ROR1: variants seen among roughly 807,000 people sequenced by gnomAD.
The protein encoded by ROR1 is ROR family WNT receptor 1, also known as inactive tyrosine-protein kinase transmembrane receptor ROR1.
ROR1 carries 19 observed loss-of-function variants against 78.8 expected under a neutral mutation model. That is an observed-to-expected ratio of 0.24 (90% CI 0.17 to 0.35). The LOEUF (loss-of-function observed/expected upper bound fraction) is 0.35, where lower values mean the gene tolerates loss of function less well. Ranked by LOEUF, ROR1 falls within the 10% of genes least tolerant of loss-of-function variation. The pLI is 1.00. For synonymous variants in ROR1, 386 were observed against 433.6 expected (o/e 0.89, Z 1.36); for missense variants, 917 against 1,177.8 (o/e 0.78, Z 3.24).
chr1:63,793,562 A>G (rs998460916), intron 1 of ROR1, among the ~76,000 whole-genome samples: 5 of 152,246 alleles, frequency 3.3e-5, no homozygotes, highest in African/African-American at 1.2e-4. Context: ...ACTATGTGCC[A>G]GGCACAGTGC....
chr1:63,791,068 C>T (rs1335975278), intron 1 of ROR1, among the ~76,000 whole-genome samples: 1 of 152,104 alleles, frequency 6.6e-6, no homozygotes, highest in Non-Finnish European at 1.5e-5. Flanking sequence ...AGGAGAGAAG[C>T]CTGGGCTGTT....
At chr1:63,835,199 G>A (rs1003146476) in intron 1 of ROR1, among the ~76,000 whole-genome samples, 1 of 152,104 alleles carries the variant, frequency 6.6e-6, no homozygotes, top group Non-Finnish European at 1.5e-5. Context: ...TTGGGCAAGT[G>A]ACTTAATCTC....
At chr1:63,863,595 G>C (rs1364014477) in intron 1 of ROR1, among the ~76,000 whole-genome samples, 1 of 152,182 alleles carries the variant, frequency 6.6e-6, no homozygotes, top group African/African-American at 2.4e-5. Context: ...ATGAAGGAAA[G>C]TGATTAATTC....
intron 1 of ROR1, among the ~76,000 whole-genome samples, chr1:63,887,658 C>A (rs1645366383): frequency 6.6e-6 from 1 of 152,148 alleles, no homozygotes; most frequent in Admixed American, 6.5e-5. Flanking sequence ...GTATTCACTG[C>A]AACCTGTGTA....
chr1:63,925,958 G>A (rs1317658772), intron 1 of ROR1, among the ~76,000 whole-genome samples: 2 of 150,672 alleles, frequency 1.3e-5, no homozygotes, highest in African/African-American at 4.9e-5. Flanking sequence ...CTCCCATTCT[G>A]TAGGTTGCCT....
chr1:64,064,583 A>G (rs890268103), intron 4 of ROR1, among the ~76,000 whole-genome samples: 1 of 152,230 alleles, frequency 6.6e-6, no homozygotes. Flanking sequence ...ATTGATTTCC[A>G]TGCCACTAGA....
At chr1:64,072,575 T>C (rs962820103) in intron 4 of ROR1, among the ~76,000 whole-genome samples, 1 of 152,128 alleles carries the variant, frequency 6.6e-6, no homozygotes, top group Non-Finnish European at 1.5e-5. Flanking sequence ...AATATGTTTG[T>C]GGGGAGAGGA....
intron 4 of ROR1, among the ~76,000 whole-genome samples, chr1:64,098,887 G>C (rs935160224): frequency 4.6e-5 from 7 of 152,058 alleles, no homozygotes; most frequent in African/African-American, 1.7e-4. Context: ...ATAAATATCG[G>C]GGCTATGGGT....
At chr1:63,969,017 A>G (rs918681142) in intron 1 of ROR1, among the ~76,000 whole-genome samples, 1 of 152,210 alleles carries the variant, frequency 6.6e-6, no homozygotes, top group African/African-American at 2.4e-5. Context: ...ACTTTACTCC[A>G]AATCCTGGAT....
In ROR1 at chr1:64,003,182, T is replaced by A. The variant is rs908268675; in HGVS notation, c.92-6123T>A. Among the ~76,000 whole-genome samples the A allele has an allele frequency of 1.8e-4, 27 of 152,300 alleles. 1 individual carries two copies. Among genetic ancestry groups the A allele is most frequent in the Admixed American group, 1.0e-3 (16 of 15,294 alleles). Reference sequence around the variant, plus strand: ...ACTTTGACAAAACCTAGGCACCTTTTCCTTCCTTTTTTTTCTTTTTCTTTT... The same window carrying A: ...ACTTTGACAAAACCTAGGCACCTTTACCTTCCTTTTTTTTCTTTTTCTTTT... On this transcript the variant is annotated intron_variant, in intron 1 of 8. Coordinates refer to ENST00000371079, the MANE Select transcript of ROR1 (RefSeq NM_005012.4).
chr1:63,973,760 C>T (rs757952938), intron 1 of ROR1, among the ~76,000 whole-genome samples: 1 of 152,144 alleles, frequency 6.6e-6, no homozygotes, highest in Admixed American at 6.5e-5. Context: ...ACAAGAATCA[C>T]AGCAGATTCT....
intron 1 of ROR1, among the ~76,000 whole-genome samples, chr1:63,888,830 T>C (rs1166387478): frequency 6.6e-6 from 1 of 152,188 alleles, no homozygotes; most frequent in African/African-American, 2.4e-5. Flanking sequence ...ATTTGACATA[T>C]ATTATTTCAA....
intron 2 of ROR1, among the ~76,000 whole-genome samples, chr1:64,044,124 G>T (rs909934967): frequency 1.3e-5 from 2 of 152,044 alleles, no homozygotes. Flanking sequence ...CTGCTTGTTC[G>T]GAAATAGAAA....
chr1:63,926,335 C>T (rs867943202), intron 1 of ROR1, among the ~76,000 whole-genome samples: 10 of 151,478 alleles, frequency 6.6e-5, no homozygotes, highest in Admixed American at 1.3e-4. Flanking sequence ...AGATATGTGG[C>T]GTTATTTCTG....
chr1:63,941,445 T>C (rs1366968732), intron 1 of ROR1, among the ~76,000 whole-genome samples: 2 of 152,150 alleles, frequency 1.3e-5, no homozygotes, highest in Non-Finnish European at 2.9e-5. Context: ...GTTCTCTAAG[T>C]TTGAAATAAT....
At chr1:63,822,320 C>T (rs1644928235) in intron 1 of ROR1, among the ~76,000 whole-genome samples, 1 of 152,186 alleles carries the variant, frequency 6.6e-6, no homozygotes, top group Non-Finnish European at 1.5e-5. Flanking sequence ...AGCTTACAAC[C>T]TAGTTTGCTT....
In ROR1 at chr1:63,795,145, G is replaced by C. The variant is rs549462550; in HGVS notation, c.91+20637G>C. On this transcript the variant is annotated intron_variant, in intron 1 of 8. Transcript: ENST00000371079. ...TTCTGGTGGGAGGGTTGGCAGCCAG[G>C]CTGGTGCTCCAGAGGGCTGATGGAT... Among the ~76,000 whole-genome samples the C allele has an allele frequency of 1.3e-3, 203 of 152,214 alleles. 1 individual carries two copies. The Middle Eastern group carries it at 0.017, about 13-fold the overall frequency.
At chr1:64,009,446 T>A in intron 2 of ROR1, 70 bp downstream of exon 2, 1 of 1,185,378 alleles carries the variant, frequency 8.4e-7, no homozygotes, top group Non-Finnish European at 1.3e-6. Flanking sequence ...TGGCATGACC[T>A]TCTTTGAAAT....
chr1:64,166,923 C>G (rs1043130902), intron 8 of ROR1, among the ~76,000 whole-genome samples: 9 of 152,136 alleles, frequency 5.9e-5, no homozygotes, highest in Non-Finnish European at 4.4e-5. Context: ...CTATAAATGA[C>G]TATATTATAA....
Sources: gnomAD v4.1 joint callset for allele counts (sites outside exome capture counted in the v4.1 genomes callset) on GRCh38, gnomAD v4.1.1 for gene constraint, MANE v1.5 for transcripts, NCBI Gene and HGNC (gene_info 2026-07-23, HGNC 2026-07-21) for gene names.